Variants in QTMAN observed in about 807,000 individuals in gnomAD.
The protein encoded by QTMAN is tRNA-queuosine alpha-mannosyltransferase.
the QTMAN span, chr2:143,943,252 C>T: frequency 6.6e-6 from 1 of 152,158 alleles, no homozygotes; most frequent in African/African-American, 2.4e-5. Flanking sequence ...GAAGAGAGGG[C>T]ATAGGATAGG....
chr2:144,070,839 C>G, the QTMAN span, among the ~76,000 whole-genome samples: 1 of 152,096 alleles, frequency 6.6e-6, no homozygotes, highest in African/African-American at 2.4e-5. Flanking sequence ...AAACCCTGAG[C>G]CAAACCGGGA....
the QTMAN span, among the ~76,000 whole-genome samples, chr2:144,064,707 G>C: frequency 6.6e-6 from 1 of 152,136 alleles, no homozygotes; most frequent in Non-Finnish European, 1.5e-5. Flanking sequence ...TTGTTTGAGA[G>C]GCAAAAAACA....
chr2:144,137,556 C>T, the QTMAN span, among the ~76,000 whole-genome samples: 1 of 152,074 alleles, frequency 6.6e-6, no homozygotes, highest in Admixed American at 6.6e-5. Context: ...ATCAAGACTT[C>T]CGAAATTGCA....
chr2:144,184,862 T>TA, the QTMAN span, among the ~76,000 whole-genome samples: 30 of 152,152 alleles, frequency 2.0e-4, no homozygotes, highest in South Asian at 6.2e-4. Flanking sequence ...ATTTTAAAAA[T>TA]AAGAGTTTAA....
At chr2:143,964,250 C>A in the QTMAN span, 1 of 151,886 alleles carries the variant, frequency 6.6e-6, no homozygotes, top group African/African-American at 2.4e-5. Flanking sequence ...GGTGCTAGAC[C>A]ATAACAGGAA....
chr2:144,162,413 G>A, the QTMAN span, among the ~76,000 whole-genome samples: 39 of 152,174 alleles, frequency 2.6e-4, no homozygotes, highest in African/African-American at 9.4e-4. Flanking sequence ...GAGAAGTCTT[G>A]CTCAGAATTT....
the QTMAN span, among the ~76,000 whole-genome samples, chr2:143,985,800 T>C: frequency 7.2e-5 from 11 of 152,320 alleles, no homozygotes; most frequent in East Asian, 2.1e-3. Flanking sequence ...TTTTTAAGCA[T>C]AGAGTTTCTT....
chr2:144,025,104 C>T, the QTMAN span, among the ~76,000 whole-genome samples: 2 of 152,182 alleles, frequency 1.3e-5, no homozygotes, highest in African/African-American at 4.8e-5. Flanking sequence ...GTGCTAGGCA[C>T]ACCTCTGCAG....
At chr2:143,950,088 G>A in the QTMAN span, among the ~76,000 whole-genome samples, 1 of 151,630 alleles carries the variant, frequency 6.6e-6, no homozygotes, top group African/African-American at 2.4e-5. Flanking sequence ...AAAAATCCAT[G>A]GTAGACGATG....
the QTMAN span, among the ~76,000 whole-genome samples, chr2:144,167,986 C>T: frequency 6.6e-6 from 1 of 152,128 alleles, no homozygotes; most frequent in Non-Finnish European, 1.5e-5. Flanking sequence ...AAAAACTTTC[C>T]TGTCTTCAAC....
At chr2:144,207,122 A>T in the QTMAN span, among the ~76,000 whole-genome samples, 1 of 152,206 alleles carries the variant, frequency 6.6e-6, no homozygotes, top group Non-Finnish European at 1.5e-5. Context: ...ACTATTAGTG[A>T]ATCAACAATA....
At chr2:144,316,835 A>G in the QTMAN span, among the ~76,000 whole-genome samples, 8 of 152,240 alleles carry the variant, frequency 5.3e-5, no homozygotes, top group African/African-American at 1.7e-4. Context: ...GACAATCACC[A>G]GAAAGAAAAG....
At chr2:144,107,659 G>A in the QTMAN span, among the ~76,000 whole-genome samples, 5 of 152,238 alleles carry the variant, frequency 3.3e-5, no homozygotes, top group East Asian at 1.9e-4. Flanking sequence ...ATTCACAGCC[G>A]AATTCTACCA....
At chr2:144,051,672 T>C in the QTMAN span, among the ~76,000 whole-genome samples, 1 of 152,152 alleles carries the variant, frequency 6.6e-6, no homozygotes, top group South Asian at 2.1e-4. Context: ...GGGTGGATGA[T>C]ACAAAGCAGA....
At chr2:144,052,644 T>C in the QTMAN span, among the ~76,000 whole-genome samples, 1 of 152,162 alleles carries the variant, frequency 6.6e-6, no homozygotes, top group African/African-American at 2.4e-5. Context: ...GTGCTTTCCT[T>C]CATTTATTTA....
At chr2:144,182,428 G>A in the QTMAN span, among the ~76,000 whole-genome samples, 1 of 151,760 alleles carries the variant, frequency 6.6e-6, no homozygotes, top group African/African-American at 2.4e-5. Context: ...ATCATCTGAG[G>A]TCAAGAGTAC....
chr2:144,282,275 G>A, the QTMAN span, among the ~76,000 whole-genome samples: 1 of 151,688 alleles, frequency 6.6e-6, no homozygotes, highest in East Asian at 1.9e-4. Flanking sequence ...ATTGCTGGTC[G>A]GGGACCAAAT....
At chr2:143,988,769 G>A in the QTMAN span, among the ~76,000 whole-genome samples, 2 of 152,196 alleles carry the variant, frequency 1.3e-5, no homozygotes, top group African/African-American at 4.8e-5. Flanking sequence ...GCATATATGG[G>A]CACTGGGGAG....
the QTMAN span, among the ~76,000 whole-genome samples, chr2:144,125,196 C>T: frequency 6.6e-6 from 1 of 152,026 alleles, no homozygotes; most frequent in Admixed American, 6.6e-5. Flanking sequence ...AGCCTATCAT[C>T]CCCGAGTTAG....
Sources: gnomAD v4.1 joint callset for allele counts (sites outside exome capture counted in the v4.1 genomes callset) on GRCh38, gnomAD v4.1.1 for gene constraint, MANE v1.5 for transcripts, NCBI Gene and HGNC (gene_info 2026-07-23, HGNC 2026-07-21) for gene names.